Variants in MTAP observed in about 807,000 individuals in gnomAD.
MTAP encodes S-methyl-5'-thioadenosine phosphorylase.
Under a neutral mutation model 33.6 loss-of-function variants are expected in MTAP, and 33 were observed. That is an observed-to-expected ratio of 0.98 (90% CI 0.74 to 1.31). MTAP has a LOEUF of 1.31. Ranked by LOEUF, MTAP falls within the 40% of genes most tolerant of loss-of-function variation. The pLI, the probability that MTAP is intolerant of heterozygous loss-of-function variation, is 0.00. For synonymous variants in MTAP, 148 were observed against 125.7 expected (o/e 1.18, Z -1.19); for missense variants, 367 against 360.0 (o/e 1.02, Z -0.16).
At position 21,811,451 on chromosome 9, in the gene MTAP, T is replaced by C. The variant is rs115995531; in HGVS notation, c.34-3982T>C. Among the ~76,000 whole-genome samples, 319 of 137,538 alleles carry C rather than the reference T, an allele frequency of 2.3e-3. 1 individual carries two copies. The highest frequency in any genetic ancestry group is 8.0e-3 in the African/African-American group (310 of 38,856). The allele number at this position is 137,538 out of a possible 152,430, so 90.2% of individuals were successfully genotyped here. ...ATTGATTTGCTCTTGAACAAAAAAA[T>C]TTTTTTTTTCACTGTGAAAATGCTT... On this transcript the variant is annotated intron_variant, in intron 1 of 7. Transcript: ENST00000644715.
At chr9:21,861,860 T>C (rs1825760572) in intron 7 of MTAP, 116 bp from the exon 8 acceptor site, 1 of 751,868 alleles carries the variant, frequency 1.3e-6, no homozygotes, top group Non-Finnish European at 2.4e-6. Context: ...ATTTAAAGTG[T>C]ATGTTTCCTG....
At chr9:21,837,567 A>T (rs1825141542) in intron 4 of MTAP, among the ~76,000 whole-genome samples, 1 of 152,216 alleles carries the variant, frequency 6.6e-6, no homozygotes, top group Admixed American at 6.5e-5. Flanking sequence ...GTCTGTGATG[A>T]TGAAACATTT....
intron 1 of MTAP, among the ~76,000 whole-genome samples, chr9:21,878,286 T>TA (rs1390380163): frequency 6.6e-6 from 1 of 152,084 alleles, no homozygotes; most frequent in East Asian, 1.9e-4. Flanking sequence ...CAATCTGAGT[T>TA]ATTCTTTTAA....
intron 7 of MTAP, 113 bp from the exon 8 acceptor site, chr9:21,861,863 G>T: frequency 1.3e-6 from 1 of 763,778 alleles, no homozygotes; most frequent in East Asian, 2.5e-5. Context: ...TAAAGTGTAT[G>T]TTTCCTGCGT....
At chr9:21,873,933 G>C (rs183526198) in intron 1 of MTAP, among the ~76,000 whole-genome samples, 9 of 152,070 alleles carry the variant, frequency 5.9e-5, no homozygotes, top group Non-Finnish European at 1.0e-4. Context: ...AAAAAAATTT[G>C]ATTATTTCAT....
rs1182496356 is a variant in MTAP at position 21,862,289 on chromosome 9, C to T, written c.*275C>T. ...AAAAAAAAACCCACCATTCTCTTCTCCCCCTATTAAATTTGCAACAATAAA... is the reference window on the plus strand; with the variant it reads ...AAAAAAAAACCCACCATTCTCTTCTTCCCCTATTAAATTTGCAACAATAAA... On this transcript the variant is annotated 3_prime_UTR_variant, in exon 8 of 8. Coordinates refer to ENST00000644715, the MANE Select transcript of MTAP (RefSeq NM_002451.4). 1 of 596,488 alleles carries T rather than the reference C, an allele frequency of 1.7e-6. No individual in the cohort carries two copies. The highest frequency in any genetic ancestry group is 2.4e-6 in the Non-Finnish European group (1 of 425,112). 36.9% of individuals were successfully genotyped at this position (596,488 alleles called of 1,614,324 possible). A position where few individuals can be genotyped will look rare whatever the true frequency, so the allele number is the denominator to read the frequency against.
At chr9:21,833,620 G>A (rs572554452) in intron 4 of MTAP, among the ~76,000 whole-genome samples, 8 of 152,226 alleles carry the variant, frequency 5.3e-5, no homozygotes, top group African/African-American at 1.4e-4. Flanking sequence ...CCCCTAAACC[G>A]TCCTCCTTAT....
chr9:21,867,165 A>G (rs1452058366), downstream of MTAP: 2 of 152,252 alleles, frequency 1.3e-5, no homozygotes, highest in East Asian at 3.9e-4. Flanking sequence ...ACAACAGTTT[A>G]CCTTTTGTTT....
intron 5 of MTAP, among the ~76,000 whole-genome samples, chr9:21,850,964 A>G (rs1825496584): frequency 6.6e-6 from 1 of 152,214 alleles, no homozygotes; most frequent in Admixed American, 6.5e-5. Flanking sequence ...GAAGGGAGTT[A>G]CAGTGCTGGC....
chr9:21,939,644 A>T (rs1240422111), downstream of MTAP, among the ~76,000 whole-genome samples: 2 of 152,050 alleles, frequency 1.3e-5, no homozygotes, highest in Non-Finnish European at 2.9e-5. Flanking sequence ...AGGGCTGATC[A>T]CTTGAGGCCA....
At chr9:21,882,315 C>T (rs1274841117) in intron 1 of MTAP, among the ~76,000 whole-genome samples, 2 of 151,926 alleles carry the variant, frequency 1.3e-5, no homozygotes, top group Admixed American at 6.6e-5. Flanking sequence ...AAACTGTGTA[C>T]TTAAAAATTG....
At chr9:21,813,281 T>C (rs1277980303) in intron 1 of MTAP, among the ~76,000 whole-genome samples, 2 of 152,224 alleles carry the variant, frequency 1.3e-5, no homozygotes, top group African/African-American at 4.8e-5. Context: ...AATGTAGGTT[T>C]CCGTAAACAA....
chr9:21,927,883 A>G (rs571755234), intron 1 of MTAP, among the ~76,000 whole-genome samples: 6 of 152,384 alleles, frequency 3.9e-5, no homozygotes, highest in Non-Finnish European at 5.9e-5. Flanking sequence ...CTCCTATTAC[A>G]TAGAGACCTC....
intron 1 of MTAP, among the ~76,000 whole-genome samples, chr9:21,921,799 C>T (rs1818791761): frequency 6.6e-6 from 1 of 152,108 alleles, no homozygotes; most frequent in African/African-American, 2.4e-5. Flanking sequence ...AGGGAAACCT[C>T]ATCTCTATTA....
intron 1 of MTAP, among the ~76,000 whole-genome samples, chr9:21,890,421 C>G (rs1053915405): frequency 2.6e-5 from 4 of 152,208 alleles, no homozygotes; most frequent in Non-Finnish European, 5.9e-5. Flanking sequence ...GGCTTCTGTG[C>G]TCATATCTGC....
intron 1 of MTAP, among the ~76,000 whole-genome samples, chr9:21,809,334 C>T (rs10217131): frequency 0.24 from 35,993 of 151,958 alleles, 7,004 homozygotes; most frequent in African/African-American, 0.54. Context: ...ACTCAGCCCA[C>T]GTTTTAAAAA....
At chr9:21,872,866 T>C (rs1411394365) in intron 1 of MTAP, among the ~76,000 whole-genome samples, 1 of 152,138 alleles carries the variant, frequency 6.6e-6, no homozygotes, top group Non-Finnish European at 1.5e-5. Flanking sequence ...AGAGGCAATG[T>C]GAGCACTCCC....
At chr9:21,839,284 A>G (rs895657718) in intron 5 of MTAP, among the ~76,000 whole-genome samples, 2 of 151,966 alleles carry the variant, frequency 1.3e-5, no homozygotes, top group Non-Finnish European at 2.9e-5. Flanking sequence ...CTTCCTCTGA[A>G]GCACAGATCT....
chr9:21,810,234 G>A (rs1824311542), intron 1 of MTAP, among the ~76,000 whole-genome samples: 1 of 152,136 alleles, frequency 6.6e-6, no homozygotes, highest in Admixed American at 6.6e-5. Flanking sequence ...CTTGTACATG[G>A]CAATGTTCTC....
Sources: gnomAD v4.1 joint callset for allele counts (sites outside exome capture counted in the v4.1 genomes callset) on GRCh38, gnomAD v4.1.1 for gene constraint, MANE v1.5 for transcripts, NCBI Gene and HGNC (gene_info 2026-07-23, HGNC 2026-07-21) for gene names.